Variants in PHACTR4 observed in about 807,000 individuals in gnomAD.
PHACTR4 encodes phosphatase and actin regulator 4.
A neutral mutation model predicts 72.7 loss-of-function variants in PHACTR4; 51 were observed. The ratio of observed to expected loss-of-function variants is 0.70; its 90% CI spans 0.56 to 0.89. The LOEUF (loss-of-function observed/expected upper bound fraction) is 0.89. PHACTR4 is among the 40% of genes least tolerant of loss of function. The pLI is 0.00. For missense variants in PHACTR4, 731 were observed against 861.8 expected, an observed-to-expected ratio of 0.85 and a Z score of 1.90; for synonymous variants, 255 against 302.5, an observed-to-expected ratio of 0.84 and a Z score of 1.63.
intron 1 of PHACTR4, among the ~76,000 whole-genome samples, chr1:28,406,343 A>G (rs112692297): frequency 9.8e-5 from 15 of 152,316 alleles, no homozygotes; most frequent in African/African-American, 3.6e-4. Context: ...AAATTTATGA[A>G]TAAGTACAGA....
chr1:28,444,588 C>T (rs1657300309), intron 2 of PHACTR4, among the ~76,000 whole-genome samples: 1 of 150,572 alleles, frequency 6.6e-6, no homozygotes, highest in Admixed American at 6.6e-5. Flanking sequence ...TGGTCTTTCC[C>T]ATTTTTATAT....
At chr1:28,484,520 G>GTATATATGTGTGTATGTGTA in intron 9 of PHACTR4, among the ~76,000 whole-genome samples, 1 of 150,776 alleles carries the variant, frequency 6.6e-6, no homozygotes, top group Non-Finnish European at 1.5e-5. Context: ...GTGTGTATGT[G>GTATATATGTGTGTATGTGTA]TATATATGTG....
intron 3 of PHACTR4, 55 bp downstream of exon 3, chr1:28,459,313 G>T: frequency 6.9e-7 from 1 of 1,456,890 alleles, no homozygotes; most frequent in Non-Finnish European, 9.3e-7. Flanking sequence ...TATGTTAGAT[G>T]TATTTAATTT....
rs555239119 is a variant in PHACTR4, at chr1:28,446,224, C to T, written c.17-12861C>T. On this transcript the variant is annotated intron_variant, in intron 2 of 13. Coordinates refer to ENST00000373839, the MANE Select transcript of PHACTR4 (RefSeq NM_001048183.3). ...CAATATAGGGGTCTGTCATAAACTCCTTAAAAGATTCTCTGTTATCAAATT... is the reference window on the plus strand; with the variant it reads ...CAATATAGGGGTCTGTCATAAACTCTTTAAAAGATTCTCTGTTATCAAATT... Among the ~76,000 whole-genome samples the T allele has an allele frequency of 2.6e-5, 4 of 152,262 alleles. No homozygotes were observed. In the East Asian group the frequency reaches 7.7e-4, roughly 29 times the overall value.
intron 2 of PHACTR4, chr1:28,438,274 G>C: frequency 6.8e-7 from 1 of 1,467,776 alleles, no homozygotes; most frequent in South Asian, 1.4e-5. Context: ...GTTTGGCAGT[G>C]ACACTGAAAG....
At chr1:28,405,914 A>G (rs1654292654) in intron 1 of PHACTR4, among the ~76,000 whole-genome samples, 1 of 151,966 alleles carries the variant, frequency 6.6e-6, no homozygotes, top group South Asian at 2.1e-4. Flanking sequence ...ATAGGAAAAG[A>G]AAAAAATAAT....
intron 2 of PHACTR4, among the ~76,000 whole-genome samples, chr1:28,425,995 C>A (rs980832995): frequency 6.6e-6 from 1 of 151,238 alleles, no homozygotes; most frequent in African/African-American, 2.4e-5. Context: ...CAGAGATGGG[C>A]AGATCACCTG....
intron 2 of PHACTR4, among the ~76,000 whole-genome samples, chr1:28,440,462 C>T (rs1360548650): frequency 9.5e-6 from 1 of 105,290 alleles, no homozygotes; most frequent in Non-Finnish European, 1.7e-5. Context: ...GTGGCTTGAT[C>T]TCGGCTCACT....
chr1:28,370,398 GAGATGAGATTAAGGAAA>G (rs1436246846), intron 1 of PHACTR4, among the ~76,000 whole-genome samples: 1 of 152,034 alleles, frequency 6.6e-6, no homozygotes, highest in Non-Finnish European at 1.5e-5. Context: ...TCTTGGTGGA[GAGATGAGATTAAGGAAA>G]AGAAGCGACC....
intron 9 of PHACTR4, among the ~76,000 whole-genome samples, chr1:28,487,789 G>A (rs912097133): frequency 6.3e-5 from 8 of 127,486 alleles, no homozygotes; most frequent in African/African-American, 2.4e-4. Context: ...AAGCAGGAGT[G>A]CAGTAGCATG....
intron 1 of PHACTR4, among the ~76,000 whole-genome samples, chr1:28,388,721 G>A (rs1652771184): frequency 6.6e-6 from 1 of 152,128 alleles, no homozygotes; most frequent in Non-Finnish European, 1.5e-5. Context: ...GTGGTGGTGT[G>A]CACCTGTAGT....
intron 6 of PHACTR4, among the ~76,000 whole-genome samples, chr1:28,472,024 A>G (rs1659590139): frequency 6.6e-6 from 1 of 152,040 alleles, no homozygotes; most frequent in Admixed American, 6.6e-5. Context: ...ATCCTGGCTA[A>G]CATGATGAAA....
At chr1:28,389,817 C>T (rs948576531) in intron 1 of PHACTR4, among the ~76,000 whole-genome samples, 1 of 151,956 alleles carries the variant, frequency 6.6e-6, no homozygotes, top group African/African-American at 2.4e-5. Flanking sequence ...GGAGATTCCT[C>T]AAAAAATTGA....
chr1:28,490,858 A>G (rs1660994641), intron 10 of PHACTR4, 93 bp from the exon 11 acceptor site: 6 of 1,317,398 alleles, frequency 4.6e-6, no homozygotes, highest in Non-Finnish European at 5.4e-6. Flanking sequence ...AAAAAAAACA[A>G]AAAAGAAATA....
intron 9 of PHACTR4, among the ~76,000 whole-genome samples, chr1:28,482,586 A>G (rs1025015562): frequency 6.6e-6 from 1 of 152,138 alleles, no homozygotes; most frequent in African/African-American, 2.4e-5. Context: ...TTCCCTACAA[A>G]ATAATTAATT....
At chr1:28,477,018 C>T (rs1659970162) in intron 8 of PHACTR4, among the ~76,000 whole-genome samples, 1 of 151,362 alleles carries the variant, frequency 6.6e-6, no homozygotes, top group East Asian at 1.9e-4. Flanking sequence ...GATCTGCCTG[C>T]CTCGGCCTCC....
In PHACTR4 at chr1:28,466,736, A is replaced by C; in HGVS notation, c.791A>C (p.Lys264Thr). 6.2e-7 allele frequency: 1 copy of C among 1,612,556 alleles called. No homozygotes were observed. The highest frequency in any genetic ancestry group is 1.1e-5 in the South Asian group (1 of 90,980). The change falls in exon 6 of 14, where the codon AAA becomes ACA. Residue 264 changes from lysine (K) to threonine (T), a missense_variant. This residue lies in a region of PHACTR4 where 621 missense variants were observed against 676.6 expected (regional missense o/e 0.92). Coordinates refer to ENST00000373839, the MANE Select transcript of PHACTR4 (RefSeq NM_001048183.3). ...PAKQPPIPPPKPAHRNSNPVI... is the reference protein window; with the variant it reads ...PAKQPPIPPPTPAHRNSNPVI... ...AAGCAGCCCCCTATCCCTCCCCCTAAACCAGCTCACAGAAATAGCAACCCT... is the reference window on the plus strand; with the variant it reads ...AAGCAGCCCCCTATCCCTCCCCCTACACCAGCTCACAGAAATAGCAACCCT...
chr1:28,434,031 G>A (rs1569937725), intron 2 of PHACTR4, among the ~76,000 whole-genome samples: 1 of 152,098 alleles, frequency 6.6e-6, no homozygotes, highest in South Asian at 2.1e-4. Context: ...GCCCACCTTG[G>A]CCTCCCAAAG....
intron 2 of PHACTR4, among the ~76,000 whole-genome samples, chr1:28,424,494 AT>A (rs1655707999): frequency 8.0e-6 from 1 of 125,612 alleles, no homozygotes; most frequent in African/African-American, 3.8e-5. Context: ...TTTAAATTTT[AT>A]TTATTATTTT....
Sources: gnomAD v4.1 joint callset for allele counts (sites outside exome capture counted in the v4.1 genomes callset) on GRCh38, gnomAD v4.1.1 for gene constraint, gnomAD v4.1.1 regional missense constraint, MANE v1.5 for transcripts, NCBI Gene and HGNC (gene_info 2026-07-23, HGNC 2026-07-21) for gene names.